NF1: variants seen among roughly 807,000 people sequenced by gnomAD.
The protein encoded by NF1 is neurofibromin.
In NF1, 122 loss-of-function variants were observed where a neutral mutation model predicts 325.7. That is an observed-to-expected ratio of 0.37 (90% CI 0.32 to 0.44). The LOEUF is 0.44. Among genes scored for constraint, NF1 ranks in the 20% least tolerant of loss-of-function variants. The probability of loss-of-function intolerance (pLI) is 1.00; values close to 1 mark genes in which losing one functional copy is unlikely to be tolerated. For missense variants in NF1, 2,140 were observed against 3,415.4 expected, an observed-to-expected ratio of 0.63 and a Z score of 9.31; for synonymous variants, 1,091 against 1,186.0, an observed-to-expected ratio of 0.92 and a Z score of 1.65.
intron 36 of NF1, among the ~76,000 whole-genome samples, chr17:31,299,280 A>AAAT: frequency 6.6e-6 from 1 of 150,884 alleles, no homozygotes; most frequent in South Asian, 2.1e-4. Context: ...AAGTATAATA[A>AAAT]AAATAAATAA....
chr17:31,286,266 T>C (rs1434866097), intron 36 of NF1, among the ~76,000 whole-genome samples: 2 of 152,124 alleles, frequency 1.3e-5, no homozygotes, highest in Non-Finnish European at 2.9e-5. Context: ...GGCTAATTTT[T>C]GTATTTTTAG....
At chr17:31,178,838 A>G (rs1288070023) in intron 5 of NF1, among the ~76,000 whole-genome samples, 3 of 152,226 alleles carry the variant, frequency 2.0e-5, no homozygotes, top group Non-Finnish European at 2.9e-5. Flanking sequence ...ATATGCACCC[A>G]ATACAGGAAC....
At chr17:31,117,033 G>A (rs968461352) in intron 1 of NF1, among the ~76,000 whole-genome samples, 1 of 151,920 alleles carries the variant, frequency 6.6e-6, no homozygotes, top group African/African-American at 2.4e-5. Flanking sequence ...CCAGGCTGGA[G>A]TGCAGTGGTG....
At chr17:31,098,181 G>T (rs934520927) in intron 1 of NF1, among the ~76,000 whole-genome samples, 9 of 150,570 alleles carry the variant, frequency 6.0e-5, no homozygotes, top group African/African-American at 2.2e-4. Context: ...TCAAATTAGA[G>T]TTCACCTTAC....
At chr17:31,261,579 C>A in intron 34 of NF1, 132 bp from the exon 35 acceptor site, 2 of 876,132 alleles carry the variant, frequency 2.3e-6, no homozygotes, top group East Asian at 2.5e-5. Context: ...TAGACATGGT[C>A]CTGAGGTCTT....
At chr17:31,170,148 G>A (rs1176575053) in intron 5 of NF1, 151 bp downstream of exon 5, 2 of 605,758 alleles carry the variant, frequency 3.3e-6, no homozygotes, top group Non-Finnish European at 5.9e-6. Flanking sequence ...AATACAAATG[G>A]GTAATTATTT....
intron 29 of NF1, among the ~76,000 whole-genome samples, chr17:31,242,772 C>G (rs1471508680): frequency 6.6e-6 from 1 of 152,194 alleles, no homozygotes; most frequent in African/African-American, 2.4e-5. Context: ...ATATCGCTGT[C>G]TCTCCAGGAT....
At chr17:31,221,209 A>G (rs1211988735) in intron 14 of NF1, among the ~76,000 whole-genome samples, 1 of 151,992 alleles carries the variant, frequency 6.6e-6, no homozygotes, top group Non-Finnish European at 1.5e-5. Flanking sequence ...TTTAATTTAT[A>G]TAATAATCTA....
intron 57 of NF1, 40 bp downstream of exon 57, chr17:31,360,743 A>G (rs757286400): frequency 6.9e-5 from 105 of 1,522,168 alleles, no homozygotes; most frequent in Middle Eastern, 5.1e-4. Context: ...GAGCAACAAT[A>G]TAAGACACCA....
intron 57 of NF1, among the ~76,000 whole-genome samples, chr17:31,370,318 A>T (rs2070610131): frequency 6.6e-6 from 1 of 152,206 alleles, no homozygotes; most frequent in African/African-American, 2.4e-5. Flanking sequence ...TTAGGAAAAA[A>T]ATTGGAAAAT....
chr17:31,172,167 AC>A (rs2065937438), intron 5 of NF1, among the ~76,000 whole-genome samples: 1 of 152,100 alleles, frequency 6.6e-6, no homozygotes, highest in Non-Finnish European at 1.5e-5. Context: ...CCCCATATAT[AC>A]AAAAAAAAAT....
intron 38 of NF1, among the ~76,000 whole-genome samples, chr17:31,329,103 G>T (rs1301088610): frequency 1.3e-5 from 2 of 152,180 alleles, no homozygotes; most frequent in Non-Finnish European, 2.9e-5. Flanking sequence ...CAAGGCTGCA[G>T]TGTGCTATAA....
At chr17:31,219,178 A>G (rs780785963) in intron 14 of NF1, 60 bp downstream of exon 14, 4 of 1,546,814 alleles carry the variant, frequency 2.6e-6, no homozygotes, top group South Asian at 2.3e-5. Context: ...TACATTCATG[A>G]TGTTCCTTTG....
intron 12 of NF1, among the ~76,000 whole-genome samples, chr17:31,212,003 A>G (rs1260703313): frequency 1.3e-5 from 2 of 152,168 alleles, no homozygotes; most frequent in Non-Finnish European, 2.9e-5. Context: ...ATAACTTTAC[A>G]GTAGCTTTTA....
At chr17:31,287,648 C>T (rs1341827956) in intron 36 of NF1, among the ~76,000 whole-genome samples, 1 of 151,962 alleles carries the variant, frequency 6.6e-6, no homozygotes, top group Non-Finnish European at 1.5e-5. Context: ...CAACATCCGC[C>T]TCCTGGGCTC....
At chr17:31,371,601 A>G (rs1483734986) in intron 57 of NF1, among the ~76,000 whole-genome samples, 4 of 152,256 alleles carry the variant, frequency 2.6e-5, no homozygotes, top group Non-Finnish European at 5.9e-5. Flanking sequence ...GAAAAGTTCC[A>G]TGAATGTTTC....
At chr17:31,345,376 C>T in intron 48 of NF1, 3 of 1,197,858 alleles carry the variant, frequency 2.5e-6, no homozygotes, top group Non-Finnish European at 3.4e-6. Flanking sequence ...AAAGTCTCTC[C>T]TTCCCCCTGT....
rs533138947 is a variant in NF1, at chr17:31,342,892, T to C, written c.7063-117T>C. The stretch of plus-strand genomic sequence containing the variant: ...TTTCTGCAGTCAACTGAAAATAATT[T>C]CTCTCAAATTGAAAGGATTACTTAT... On this transcript the variant is annotated intron_variant, in intron 47 of 57. Coordinates refer to ENST00000358273, the MANE Select transcript of NF1 (RefSeq NM_001042492.3). 37 of 1,301,672 alleles carry C rather than the reference T, an allele frequency of 2.8e-5. No individual in the cohort carries two copies. In the African/African-American group the frequency reaches 3.2e-4, roughly 11 times the overall value. The allele number at this position is 1,301,672 out of a possible 1,614,324, so 80.6% of individuals were successfully genotyped here. A position where few individuals can be genotyped will look rare whatever the true frequency, so the allele number is the denominator to read the frequency against.
intron 1 of NF1, among the ~76,000 whole-genome samples, chr17:31,115,348 T>A (rs189401904): frequency 5.9e-5 from 9 of 152,240 alleles, no homozygotes; most frequent in Admixed American, 5.9e-4. Flanking sequence ...GAGGCAGTGG[T>A]CATGAGGTAG....
Sources: gnomAD v4.1 joint callset for allele counts (sites outside exome capture counted in the v4.1 genomes callset) on GRCh38, gnomAD v4.1.1 for gene constraint, MANE v1.5 for transcripts, NCBI Gene and HGNC (gene_info 2026-07-23, HGNC 2026-07-21) for gene names.